Variants in SLC25A30 observed in about 807,000 individuals in gnomAD.
The protein encoded by SLC25A30 is kidney mitochondrial carrier protein 1.
Under a neutral mutation model 42.7 loss-of-function variants are expected in SLC25A30, and 29 were observed. The ratio of observed to expected loss-of-function variants is 0.68; its 90% CI spans 0.51 to 0.93. The LOEUF is 0.93. Ranked by LOEUF, SLC25A30 falls within the 40% of genes least tolerant of loss-of-function variation. The pLI is 0.00. For synonymous variants in SLC25A30, 124 were observed against 131.0 expected (o/e 0.95, Z 0.37); for missense variants, 300 against 359.7 (o/e 0.83, Z 1.34).
At chr13:45,419,461 G>T (rs1388772686), upstream of SLC25A30, among the ~76,000 whole-genome samples, 1 of 149,924 alleles carries the variant, frequency 6.7e-6, no homozygotes, top group East Asian at 2.1e-4. Context: ...TGGGATTACA[G>T]GTGCCCATCA....
chr13:45,431,582 CCA>C, the SLC25A30 span, among the ~76,000 whole-genome samples: 26 of 106,186 alleles, frequency 2.4e-4, 13 homozygotes, highest in East Asian at 5.5e-4. Context: ...ATGGGTTTCA[CCA>C]TCTTGGCCAG....
chr13:45,419,562 G>A (rs1230588584), upstream of SLC25A30, among the ~76,000 whole-genome samples: 3 of 150,598 alleles, frequency 2.0e-5, no homozygotes, highest in Non-Finnish European at 3.0e-5. Context: ...CAGGTGATCC[G>A]CCTGCCTCGG....
the SLC25A30 span, among the ~76,000 whole-genome samples, chr13:45,424,557 ATATAAATG>A: frequency 2.0e-4 from 16 of 78,190 alleles, 2 homozygotes; most frequent in Admixed American, 6.6e-4. Context: ...ATATAAATAT[ATATAAATG>A]TATAAATATA....
At position 45,395,170 on chromosome 13, in the gene SLC25A30, C is replaced by T. The variant is rs79183846; in HGVS notation, c.*804G>A. On this transcript the variant is annotated 3_prime_UTR_variant, in exon 10 of 10. Coordinates refer to ENST00000519676, the MANE Select transcript of SLC25A30 (RefSeq NM_001010875.4). ...CCTCTACATCAATAGACGTTATTAT[C>T]CCCATTTTACTCATTGAGAAATACA... 2 of 984,528 alleles carry T rather than the reference C, an allele frequency of 2.0e-6. No homozygotes were observed. The highest frequency in any genetic ancestry group is 3.5e-5 in the African/African-American group (2 of 57,312). The allele number at this position is 984,528 out of a possible 1,614,324, so 61.0% of individuals were successfully genotyped here.
intron 1 of SLC25A30, among the ~76,000 whole-genome samples, chr13:45,416,772 C>G (rs1328333040): frequency 1.3e-5 from 2 of 151,888 alleles, no homozygotes; most frequent in Non-Finnish European, 2.9e-5. Context: ...AGACCCTGTC[C>G]CAAATAATAA....
At chr13:45,424,528 T>TATATATAA in the SLC25A30 span, among the ~76,000 whole-genome samples, 5 of 76,016 alleles carry the variant, frequency 6.6e-5, 1 homozygote, top group South Asian at 4.4e-4. Context: ...TATATAAAAA[T>TATATATAA]ATATATAAAT....
At position 45,400,031 on chromosome 13, in the gene SLC25A30, T is replaced by C. The variant is rs200110422; in HGVS notation, c.615-953A>G. On this transcript the variant is annotated intron_variant, in intron 7 of 9. Coordinates refer to ENST00000519676, the MANE Select transcript of SLC25A30 (RefSeq NM_001010875.4). Reference sequence around the variant, plus strand: ...ATGTATGATTATATATATATATATATATACACACACACACACACACACACA... The same window carrying C: ...ATGTATGATTATATATATATATATACATACACACACACACACACACACACA... 1.9e-3 allele frequency among the ~76,000 whole-genome samples: 217 copies of C among 116,970 alleles called. 4 individuals carry two copies. The East Asian group carries it at 0.033, about 18-fold the overall frequency. The allele number at this position is 116,970 out of a possible 152,430, so 76.7% of individuals were successfully genotyped here.
chr13:45,397,795 G>T (rs968360695), intron 8 of SLC25A30: 1 of 635,718 alleles, frequency 1.6e-6, no homozygotes, highest in Non-Finnish European at 2.0e-6. Flanking sequence ...CTCTTTAGAG[G>T]CTTGTGTGGG....
chr13:45,421,200 G>A (rs1456126516), upstream of SLC25A30, among the ~76,000 whole-genome samples: 4 of 151,836 alleles, frequency 2.6e-5, no homozygotes, highest in Admixed American at 6.6e-5. Context: ...CCAACATGGC[G>A]AAACTCCATC....
the SLC25A30 span, among the ~76,000 whole-genome samples, chr13:45,425,610 ATATATAAAT>A: frequency 2.7e-4 from 10 of 37,272 alleles, 1 homozygote; most frequent in African/African-American, 9.7e-4. Flanking sequence ...ATATATATAC[ATATATAAAT>A]ATATATATAA....
At chr13:45,416,354 G>C (rs116304511) in intron 1 of SLC25A30, among the ~76,000 whole-genome samples, 6,950 of 152,026 alleles carry the variant, frequency 0.046, 334 homozygotes, top group African/African-American at 0.12. Context: ...GTTGCAGTAA[G>C]CTGAGACCGC....
chr13:45,425,453 A>C, the SLC25A30 span, among the ~76,000 whole-genome samples: 4 of 108,540 alleles, frequency 3.7e-5, no homozygotes, highest in Admixed American at 1.3e-4. Context: ...TAAATATATA[A>C]GTGTATATAT....
chr13:45,415,431 G>A (rs1883432468), intron 1 of SLC25A30, among the ~76,000 whole-genome samples: 1 of 152,028 alleles, frequency 6.6e-6, no homozygotes, highest in African/African-American at 2.4e-5. Flanking sequence ...TTCCAGCAGA[G>A]GAAATAAAAA....
At chr13:45,409,411 T>C (rs1034845640) in intron 2 of SLC25A30, among the ~76,000 whole-genome samples, 8 of 152,204 alleles carry the variant, frequency 5.3e-5, no homozygotes, top group African/African-American at 1.9e-4. Context: ...TAAGTTACTA[T>C]TCTGTATATA....
At chr13:45,428,397 C>T in the SLC25A30 span, among the ~76,000 whole-genome samples, 18 of 149,736 alleles carry the variant, frequency 1.2e-4, no homozygotes, top group Non-Finnish European at 2.2e-4. Flanking sequence ...TTAGTAGAGA[C>T]GGGGTTTCAC....
chr13:45,396,323 T>TGAGAGAGA (rs138488525), intron 9 of SLC25A30: 2 of 1,163,514 alleles, frequency 1.7e-6, no homozygotes, highest in South Asian at 2.3e-5. Context: ...TGTAAGCTTT[T>TGAGAGAGA]GAGAGAGAGA....
At position 45,398,941 on chromosome 13, in the gene SLC25A30, T is replaced by C; in HGVS notation, c.752A>G (p.Gln251Arg). The change falls in exon 8 of 10, where the codon CAG (glutamine) becomes CGG (arginine). Residue 251 changes from glutamine to arginine, a missense_variant and splice_region_variant. Transcript: ENST00000519676. ...GYTGTLDCLL[Q>R]TWKNEGFFAL... ...GCAGAGACAGACATCTGCTCTTACC[T>C]GTAACAAGCAATCCAGGGTTCCTGT... 6.2e-7 allele frequency: 1 copy of C among 1,613,860 alleles called. No individual in the cohort carries two copies. The highest frequency in any genetic ancestry group is 8.5e-7 in the Non-Finnish European group (1 of 1,179,918).
the SLC25A30 span, among the ~76,000 whole-genome samples, chr13:45,423,594 T>TATATATATAAATATATATAAAA: frequency 2.2e-5 from 2 of 92,140 alleles, no homozygotes. Flanking sequence ...TATATAAATA[T>TATATATATAAATATATATAAAA]ATATATATAT....
chr13:45,418,226 C>A (rs1566217309), intron 1 of SLC25A30, 74 bp downstream of exon 1: 1 of 152,742 alleles, frequency 6.5e-6, no homozygotes, highest in East Asian at 1.9e-4. Context: ...GCAGCCCAAC[C>A]TTACCCCAGG....
Sources: allele counts gnomAD v4.1 joint callset (sites outside exome capture counted in the v4.1 genomes callset), GRCh38; gene constraint gnomAD v4.1.1; transcripts MANE v1.5; gene names NCBI Gene and HGNC (gene_info 2026-07-23, HGNC 2026-07-21).